PHC1: variants seen among roughly 807,000 people sequenced by gnomAD.
The protein encoded by PHC1 is polyhomeotic-like protein 1.
In PHC1, 12 loss-of-function variants were observed where a neutral mutation model predicts 104.3. The observed-to-expected ratio is 0.12, with a 90% CI of 0.07 to 0.19. PHC1 has a LOEUF of 0.19. Ranked by LOEUF, PHC1 falls within the 10% of genes least tolerant of loss-of-function variation. The probability of loss-of-function intolerance (pLI) is 1.00; values close to 1 mark genes in which losing one functional copy is unlikely to be tolerated. For missense variants in PHC1, 671 were observed against 1,200.0 expected, an observed-to-expected ratio of 0.56 and a Z score of 6.51; for synonymous variants, 302 against 455.8, an observed-to-expected ratio of 0.66 and a Z score of 4.30.
intron 6 of PHC1, among the ~76,000 whole-genome samples, 157 bp from the exon 7 acceptor site, chr12:8,930,278 A>G (rs768636428): frequency 1.3e-5 from 2 of 152,328 alleles, no homozygotes; most frequent in South Asian, 4.1e-4. Flanking sequence ...GTTCCTCCTT[A>G]GGAGGTAGGA....
At position 8,917,733 on chromosome 12, in the gene PHC1, G is replaced by C; in HGVS notation, c.56G>C (p.Gly19Ala). Residue 19 changes from glycine (G) to alanine (A), a missense_variant, in exon 2 of 15, where the codon GGG (glycine) becomes GCG (alanine). This residue lies in a region of PHC1 where 237 missense variants were observed against 331.1 expected (regional missense o/e 0.72). Coordinates refer to ENST00000544916, the MANE Select transcript of PHC1 (RefSeq NM_004426.3). ...SNSTNGSSSS[G>A]GSSRPQIAQM... ...TCCACCAATGGGAGTTCTAGCTCAG[G>C]GGGCAGCTCTCGGCCCCAGATAGCT... 1.3e-6 allele frequency: 2 copies of C among 1,577,866 alleles called. No individual in the cohort carries two copies. The highest frequency in any genetic ancestry group is 1.7e-6 in the Non-Finnish European group (2 of 1,165,160).
Position 8,941,440 on chromosome 12 carries a change from TA to T in PHC1, c.*1983del. Reference sequence around the variant, plus strand: ...ATAATGTTTCTTGGCATTTTTTTTTTAATTAAAGAAATCCAGTGTCTCAAAA... The same window carrying T: ...ATAATGTTTCTTGGCATTTTTTTTTTATTAAAGAAATCCAGTGTCTCAAAA... On this transcript the variant is annotated 3_prime_UTR_variant, in exon 15 of 15. Coordinates refer to ENST00000544916, the MANE Select transcript of PHC1 (RefSeq NM_004426.3). 1 of 185,512 alleles carries T rather than the reference TA, an allele frequency of 5.4e-6. No homozygotes were observed. Among genetic ancestry groups the T allele is most frequent in the Non-Finnish European group, 1.1e-5 (1 of 88,248 alleles). The allele number at this position is 185,512 out of a possible 1,614,324, so 11.5% of individuals were successfully genotyped here.
At chr12:8,930,361 C>A in intron 6 of PHC1, 74 bp from the exon 7 acceptor site, 1 of 1,546,830 alleles carries the variant, frequency 6.5e-7, no homozygotes. Flanking sequence ...AATAGCAGTC[C>A]TGGCTGCTTT....
Position 8,937,202 on chromosome 12 carries a change from T to C in PHC1, c.2504T>C (p.Phe835Ser). ...TACAATGTGAGCTGTAGCCATCAGT[T>C]CCGGCTGAAGAGGAAAAAAATGAAA... is the stretch of plus-strand genomic sequence containing the variant. ...KRYNVSCSHQ[F>S]RLKRKKMKEF... Residue 835 changes from phenylalanine (F) to serine (S), a missense_variant, in exon 13 of 15, where the codon TTC becomes TCC. Coordinates refer to ENST00000544916, the MANE Select transcript of PHC1 (RefSeq NM_004426.3). 1 of 1,612,982 alleles carries C rather than the reference T, an allele frequency of 6.2e-7. No homozygotes were observed. Among genetic ancestry groups the C allele is most frequent in the Non-Finnish European group, 8.5e-7 (1 of 1,179,422 alleles).
At chr12:8,920,266 TAAATA>T (rs1425791064) in intron 3 of PHC1, among the ~76,000 whole-genome samples, 1 of 152,244 alleles carries the variant, frequency 6.6e-6, no homozygotes, top group Admixed American at 6.5e-5. Flanking sequence ...TATATTGGGC[TAAATA>T]AAATAAATTA....
intron 6 of PHC1, among the ~76,000 whole-genome samples, chr12:8,926,221 G>A (rs766734205): frequency 6.6e-6 from 1 of 152,308 alleles, no homozygotes; most frequent in Admixed American, 6.5e-5. Flanking sequence ...GAGCTCAGAG[G>A]AGAGGTCTGG....
Position 8,919,732 on chromosome 12 carries a change from A to G in PHC1, c.115-24A>G, listed in dbSNP as rs778819570. ...AGGAGCTAGGAGTGGTCCATTCTAA[A>G]TGTTTTATCCTCTCTTTTCCTAGGC... On this transcript the variant is annotated intron_variant, in intron 2 of 14. Transcript: ENST00000544916. The surrounding 1 kb of genome is among the most constrained non-coding windows in gnomAD (Gnocchi z 4.9). 2 of 1,604,234 alleles carry G rather than the reference A, an allele frequency of 1.2e-6. No individual in the cohort carries two copies. The highest frequency in any genetic ancestry group is 1.7e-6 in the Non-Finnish European group (2 of 1,174,684).
rs1199275271 is a variant in PHC1, at chr12:8,928,108, A to G, written c.613-2327A>G. ...TTTTAGTAGAAGACGGGGTTTCTCCATGTTGCTCCTGCTGGTCTGGAACTC... is the reference window on the plus strand; with the variant it reads ...TTTTAGTAGAAGACGGGGTTTCTCCGTGTTGCTCCTGCTGGTCTGGAACTC... On this transcript the variant is annotated intron_variant, in intron 6 of 14. Transcript: ENST00000544916. 2.0e-5 allele frequency among the ~76,000 whole-genome samples: 3 copies of G among 151,674 alleles called. No homozygotes were observed. The East Asian group carries it at 5.8e-4, about 29-fold the overall frequency.
chr12:8,930,347 A>G lies in PHC1; in HGVS notation c.613-88A>G, dbSNP rs1037150236. 2.0e-6 allele frequency: 3 copies of G among 1,530,840 alleles called. No individual in the cohort carries two copies. The African/African-American group carries it at 4.1e-5, about 21-fold the overall frequency. 94.8% of individuals were successfully genotyped at this position (1,530,840 alleles called of 1,614,324 possible). ...GAGCTGAGGTATTCTGTGGAATACG[A>G]CACAATAGCAGTCCTGGCTGCTTTT... On this transcript the variant is annotated intron_variant, in intron 6 of 14. Transcript: ENST00000544916.
intron 6 of PHC1, among the ~76,000 whole-genome samples, chr12:8,923,776 G>C (rs1044128702): frequency 1.4e-5 from 2 of 143,682 alleles, no homozygotes; most frequent in Non-Finnish European, 3.0e-5. Context: ...CTTGCAGTAA[G>C]CCGAGATCAT....
intron 6 of PHC1, among the ~76,000 whole-genome samples, chr12:8,926,743 G>A (rs373859462): frequency 2.6e-5 from 4 of 151,928 alleles, no homozygotes; most frequent in South Asian, 2.1e-4. Flanking sequence ...GTGAAACCCC[G>A]TCTCTACTAA....
chr12:8,937,254 C>T lies in PHC1; in HGVS notation c.2556C>T (p.Arg852=), dbSNP rs781261002. 62 of 1,612,600 alleles carry T rather than the reference C, an allele frequency of 3.8e-5. No homozygotes were observed. The highest frequency in any genetic ancestry group is 6.7e-5 in the African/African-American group (5 of 74,882). ...MKEFQEANYA[R]VRRRGPRRSS... is the part of the protein sequence containing the mutation. ...AGTTTCAAGAAGCCAACTATGCTCGCGTTCGCAGGCGTGGACCCCGCCGCA... is the reference window on the plus strand; with the variant it reads ...AGTTTCAAGAAGCCAACTATGCTCGTGTTCGCAGGCGTGGACCCCGCCGCA... Residue 852 remains arginine, a synonymous_variant, in exon 13 of 15, where the codon CGC becomes CGT. Coordinates refer to ENST00000544916, the MANE Select transcript of PHC1 (RefSeq NM_004426.3).
Position 8,919,857 on chromosome 12 carries a change from C to T in PHC1, c.216C>T (p.Ala72=), listed in dbSNP as rs374260155. 54 of 1,597,380 alleles carry T rather than the reference C, an allele frequency of 3.4e-5. No homozygotes were observed. The highest frequency in any genetic ancestry group is 3.4e-4 in the Middle Eastern group (2 of 5,936). ...ATGCCCAGCTGCATAGCCTGGCTGC[C>T]GTCCAGCAGGTGAGAGGTCAGCAGC... The part of the protein sequence containing the change: ...LSNAQLHSLA[A]VQQATIAASR... The change falls in exon 3 of 15, where the codon GCC becomes GCT. Residue 72 remains alanine (A), a synonymous_variant. Coordinates refer to ENST00000544916, the MANE Select transcript of PHC1 (RefSeq NM_004426.3). This position sits in a 1 kb window ranked among gnomAD's most constrained non-coding sequence, Gnocchi z 4.9.
In PHC1 at chr12:8,917,650, C is replaced by T; in HGVS notation, c.-28C>T. 8.3e-7 allele frequency: 1 copy of T among 1,207,058 alleles called. No individual in the cohort carries two copies. Among genetic ancestry groups the T allele is most frequent in the Non-Finnish European group, 1.2e-6 (1 of 867,588 alleles). The allele number at this position is 1,207,058 out of a possible 1,614,324, so 74.8% of individuals were successfully genotyped here. A position where few individuals can be genotyped will look rare whatever the true frequency, so the allele number is the denominator to read the frequency against. On this transcript the variant is annotated 5_prime_UTR_variant, in exon 2 of 15. Coordinates refer to ENST00000544916, the MANE Select transcript of PHC1 (RefSeq NM_004426.3). ...TCTAGGTCTTGAGTCAGACAGAGCA[C>T]CAGCCTTGGGGACCCTGGACCACTA... is the stretch of plus-strand genomic sequence containing the variant.
chr12:8,931,692 T>G (rs1036295246), intron 7 of PHC1, among the ~76,000 whole-genome samples: 1 of 152,184 alleles, frequency 6.6e-6, no homozygotes, highest in Non-Finnish European at 1.5e-5. Flanking sequence ...AGGGCAAGAC[T>G]CTGATAGTTT....
chr12:8,930,158 T>C (rs1376962104), intron 6 of PHC1, among the ~76,000 whole-genome samples: 1 of 152,162 alleles, frequency 6.6e-6, no homozygotes, highest in Non-Finnish European at 1.5e-5. Context: ...AATGATTGAA[T>C]GGCGAGGAAA....
intron 1 of PHC1, chr12:8,915,675 A>G (rs1945181251): frequency 8.9e-6 from 1 of 112,318 alleles, no homozygotes. Flanking sequence ...GGTGCTGCCC[A>G]AACTGTTTGT....
rs1427263281 is a variant in PHC1 at position 8,933,034 on chromosome 12, C to G, written c.1577C>G (p.Pro526Arg). 1.5e-6 allele frequency: 1 copy of G among 666,920 alleles called. No individual in the cohort carries two copies. The highest frequency in any genetic ancestry group is 2.1e-5 in the African/African-American group (1 of 48,620). The allele number at this position is 666,920 out of a possible 1,614,324, so 41.3% of individuals were successfully genotyped here. A position where few individuals can be genotyped will look rare whatever the true frequency, so the allele number is the denominator to read the frequency against. Residue 526 changes from proline (P) to arginine (R), a missense_variant, in exon 8 of 15, where the codon CCT becomes CGT. Around this residue, in one of 9 missense-constraint regions of PHC1, gnomAD observed 26 missense variants for 130.8 expected, o/e 0.20. Transcript: ENST00000544916. Reference sequence around the variant, plus strand: ...GCCCAGCAACCACCACCCCATATCCCTGTGCAAGTTGTAGGCACTCGACAG... The same window carrying G: ...GCCCAGCAACCACCACCCCATATCCGTGTGCAAGTTGTAGGCACTCGACAG... ...SAAQQPPPHIPVQVVGTRQPG... is the reference protein window; with the variant it reads ...SAAQQPPPHIRVQVVGTRQPG...
chr12:8,936,269 C>G (rs779116685), intron 11 of PHC1, among the ~76,000 whole-genome samples: 1 of 152,280 alleles, frequency 6.6e-6, no homozygotes, highest in Non-Finnish European at 1.5e-5. Flanking sequence ...GTAGTCCCAG[C>G]TACTTGGGAG....
Sources: allele counts gnomAD v4.1 joint callset (sites outside exome capture counted in the v4.1 genomes callset), GRCh38; gene constraint gnomAD v4.1.1; regional missense constraint gnomAD v4.1.1; non-coding constraint Gnocchi (gnomAD v3.1); transcripts MANE v1.5; gene names NCBI Gene and HGNC (gene_info 2026-07-23, HGNC 2026-07-21).